The following FHAD1 variants were observed in gnomAD, a reference collection of about 807,000 sequenced individuals.
FHAD1 encodes forkhead-associated domain-containing protein 1.
FHAD1 carries 146 observed loss-of-function variants against 191.3 expected under a neutral mutation model. The ratio of observed to expected loss-of-function variants is 0.76; its 90% CI spans 0.67 to 0.88. The LOEUF (loss-of-function observed/expected upper bound fraction) is 0.88. Ranked by LOEUF, FHAD1 falls within the 40% of genes least tolerant of loss-of-function variation. The pLI, the probability that FHAD1 is intolerant of heterozygous loss-of-function variation, is 0.00. For missense variants in FHAD1, 1,635 were observed against 1,785.8 expected (o/e 0.92, Z 1.52); for synonymous variants, 616 against 672.3 (o/e 0.92, Z 1.29).
At chr1:15,313,799 G>A (rs1330709833) in intron 8 of FHAD1, among the ~76,000 whole-genome samples, 1 of 152,146 alleles carries the variant, frequency 6.6e-6, no homozygotes, top group East Asian at 1.9e-4. Flanking sequence ...GCCAGGCACG[G>A]TGGCTAATGC....
Position 15,331,726 on chromosome 1 carries a change from G to A in FHAD1, c.1906+2185G>A, listed in dbSNP as rs142204061. On this transcript the variant is annotated intron_variant, in intron 14 of 33. Coordinates refer to ENST00000688493, the MANE Select transcript of FHAD1 (RefSeq NM_001391957.1). ...AGGCAGGAAGGAAGGCAGGAGGGAA[G>A]GCAGGAAGGCAGGCAAGCAGGCAAG... is the stretch of plus-strand genomic sequence containing the variant. Among the ~76,000 whole-genome samples the A allele has an allele frequency of 1.3e-4, 19 of 151,636 alleles. No homozygotes were observed. The East Asian group carries it at 3.5e-3, about 28-fold the overall frequency.
At chr1:15,252,579 ACCT>A (rs560173703) in intron 2 of FHAD1, among the ~76,000 whole-genome samples, 1 of 152,158 alleles carries the variant, frequency 6.6e-6, no homozygotes, top group South Asian at 2.1e-4. Context: ...GTCGAGTGCC[ACCT>A]CCTACCTCAC....
At position 15,333,640 on chromosome 1, in the gene FHAD1, G is replaced by C. The variant is rs150545693; in HGVS notation, c.1906+4099G>C. Reference sequence around the variant, plus strand: ...ACAGGGAGTCCCCAGTCTATTCATCGCCATCCTGCACACTCCCAGGAGCTG... The same window carrying C: ...ACAGGGAGTCCCCAGTCTATTCATCCCCATCCTGCACACTCCCAGGAGCTG... On this transcript the variant is annotated intron_variant, in intron 14 of 33. Coordinates refer to ENST00000688493, the MANE Select transcript of FHAD1 (RefSeq NM_001391957.1). Among the ~76,000 whole-genome samples the C allele has an allele frequency of 2.6e-5, 4 of 151,794 alleles. No individual in the cohort carries two copies. In the East Asian group the frequency reaches 7.7e-4, roughly 29 times the overall value.
In FHAD1 at chr1:15,381,515, G is replaced by T; in HGVS notation, c.4022+64G>T. 1 of 1,300,826 alleles carries T rather than the reference G, an allele frequency of 7.7e-7. No individual in the cohort carries two copies. The highest frequency in any genetic ancestry group is 1.1e-6 in the Non-Finnish European group (1 of 923,916). 80.6% of individuals were successfully genotyped at this position (1,300,826 alleles called of 1,614,324 possible). ...GCCTCCCTTCTCCTGGCTAAACTCA[G>T]GCTAGCAGCAGACCTCTAGGCCTGG... On this transcript the variant is annotated intron_variant, in intron 30 of 33. Transcript: ENST00000688493. This position sits in a 1 kb window ranked among gnomAD's most constrained non-coding sequence, Gnocchi z 4.6.
chr1:15,315,485 C>CTTTTTT lies in FHAD1; in HGVS notation c.1171-880_1171-875dup, dbSNP rs34261315. Among the ~76,000 whole-genome samples, 10 of 121,142 alleles carry CTTTTTT rather than the reference C, an allele frequency of 8.3e-5. 2 individuals carry two copies. The highest frequency in any genetic ancestry group is 2.4e-4 in the East Asian group (1 of 4,248). 79.5% of individuals were successfully genotyped at this position (121,142 alleles called of 152,430 possible). On this transcript the variant is annotated intron_variant, in intron 8 of 33. Coordinates refer to ENST00000688493, the MANE Select transcript of FHAD1 (RefSeq NM_001391957.1). ...CCGGGTTATCGGACATGGGTGTTTC[C>CTTTTTT]TTTTTTTTTTTTTTTTTTGAGATGG...
chr1:15,343,797 G>A (rs934274406), intron 16 of FHAD1: 1 of 152,102 alleles, frequency 6.6e-6, no homozygotes, highest in African/African-American at 2.4e-5. Flanking sequence ...CAAAATCTTC[G>A]CAGAACTCTC....
chr1:15,397,000 C>T lies in FHAD1; in HGVS notation c.4324-297C>T, dbSNP rs1176643347. Reference sequence around the variant, plus strand: ...GAGATCAAGACCATCCTGGCTAACACGGTGAAACCCCGTCTCTACTAAAAA... The same window carrying T: ...GAGATCAAGACCATCCTGGCTAACATGGTGAAACCCCGTCTCTACTAAAAA... On this transcript the variant is annotated intron_variant, in intron 33 of 33. Transcript: ENST00000688493. Among the ~76,000 whole-genome samples the T allele has an allele frequency of 5.7e-5, 8 of 140,652 alleles. No homozygotes were observed. In the South Asian group the frequency reaches 8.9e-4, roughly 16 times the overall value. 92.3% of individuals were successfully genotyped at this position (140,652 alleles called of 152,430 possible).
intron 4 of FHAD1, among the ~76,000 whole-genome samples, chr1:15,294,778 G>A (rs902213593): frequency 1.3e-5 from 2 of 151,976 alleles, no homozygotes; most frequent in African/African-American, 4.8e-5. Context: ...CTCAAGCTGT[G>A]ATACTCAAAA....
chr1:15,382,077 G>A lies in FHAD1; in HGVS notation c.4072G>A (p.Glu1358Lys). ...EMYQSQVAKL[E>K]DDIYKEAEEK... ...GTACCAGTCGCAGGTGGCAAAGCTG[G>A]AGGATGATATCTACAAAGAGGCCGA... Residue 1358 changes from glutamate to lysine, a missense_variant, in exon 31 of 34, where the codon GAG (glutamate) becomes AAG (lysine). Physicochemically the swap from Glu to Lys is moderately conservative, Grantham distance 56 (BLOSUM62 1). Coordinates refer to ENST00000688493, the MANE Select transcript of FHAD1 (RefSeq NM_001391957.1). 1 of 1,552,212 alleles carries A rather than the reference G, an allele frequency of 6.4e-7. No individual in the cohort carries two copies. The highest frequency in any genetic ancestry group is 8.7e-7 in the Non-Finnish European group (1 of 1,147,122).
At position 15,272,300 on chromosome 1, in the gene FHAD1, ACTGTCCT is replaced by A; in HGVS notation, c.94-21_94-15del. The A allele has an allele frequency of 1.3e-6, 2 of 1,542,934 alleles. No individual in the cohort carries two copies. Among genetic ancestry groups the A allele is most frequent in the Non-Finnish European group, 1.8e-6 (2 of 1,139,456 alleles). ...TGTCATTTTTGTTTTCATGGCTACGACTGTCCTCCTTCTCCGTTGCAGTCTCCTGACA... is the reference window on the plus strand; with the variant it reads ...TGTCATTTTTGTTTTCATGGCTACGACCTTCTCCGTTGCAGTCTCCTGACA... On this transcript the variant is annotated splice_polypyrimidine_tract_variant and intron_variant, in intron 2 of 33. Coordinates refer to ENST00000688493, the MANE Select transcript of FHAD1 (RefSeq NM_001391957.1).
rs1558268684 is a variant in FHAD1 at position 15,375,586 on chromosome 1, CTTTA to C, written c.3578-13_3578-10del. 2 of 1,510,708 alleles carry C rather than the reference CTTTA, an allele frequency of 1.3e-6. No individual in the cohort carries two copies. The highest frequency in any genetic ancestry group is 2.5e-5 in the East Asian group (1 of 40,726). 93.6% of individuals were successfully genotyped at this position (1,510,708 alleles called of 1,614,324 possible). On this transcript the variant is annotated splice_polypyrimidine_tract_variant and intron_variant, in intron 27 of 33. Coordinates refer to ENST00000688493, the MANE Select transcript of FHAD1 (RefSeq NM_001391957.1). ...TTCCTGAGCCTTTCTTTTGAGTCTA[CTTTA>C]TTTCTTTTACAGATCATAAAGACCA...
At position 15,318,855 on chromosome 1, in the gene FHAD1, G is replaced by C. The variant is rs536131918; in HGVS notation, c.1365+927G>C. Among the ~76,000 whole-genome samples, 1 of 152,222 alleles carries C rather than the reference G, an allele frequency of 6.6e-6. No homozygotes were observed. Among genetic ancestry groups the C allele is most frequent in the East Asian group, 1.9e-4 (1 of 5,188 alleles). ...GAAGAGTTGTATAAAAGATGCTTATGGATCACACATTTATTTTAATTTTTT... is the reference window on the plus strand; with the variant it reads ...GAAGAGTTGTATAAAAGATGCTTATCGATCACACATTTATTTTAATTTTTT... On this transcript the variant is annotated intron_variant, in intron 10 of 33. Transcript: ENST00000688493. The surrounding 1 kb of genome is among the most constrained non-coding windows in gnomAD (Gnocchi z 4.1).
chr1:15,299,210 AAAAAAAAGG>A (rs1667917868), intron 5 of FHAD1, among the ~76,000 whole-genome samples: 3 of 147,004 alleles, frequency 2.0e-5, no homozygotes, highest in African/African-American at 7.9e-5. Context: ...AAAAAAAAAA[AAAAAAAAGG>A]AAAAAAAAAA....
chr1:15,294,969 CG>C (rs1666438810), intron 4 of FHAD1, among the ~76,000 whole-genome samples: 1 of 152,052 alleles, frequency 6.6e-6, no homozygotes, highest in Admixed American at 6.6e-5. Context: ...AATGGAAATG[CG>C]TGGGGTGATT....
At chr1:15,324,361 C>A in intron 10 of FHAD1, 91 bp from the exon 11 acceptor site, 1 of 1,025,434 alleles carries the variant, frequency 9.8e-7, no homozygotes, top group Non-Finnish European at 1.5e-6. Context: ...CCTCTGGGAC[C>A]CCCCACGGCC....
At chr1:15,293,581 G>A (rs1353446594) in intron 4 of FHAD1, among the ~76,000 whole-genome samples, 2 of 152,090 alleles carry the variant, frequency 1.3e-5, no homozygotes, top group African/African-American at 4.8e-5. Flanking sequence ...AGCTGGGTGT[G>A]GTGGCACGCA....
chr1:15,393,072 C>A, intron 33 of FHAD1: 1 of 123,420 alleles, frequency 8.1e-6, no homozygotes, highest in Non-Finnish European at 1.7e-5. Context: ...AAATTCATTC[C>A]TTTTTTTTTT....
intron 10 of FHAD1, among the ~76,000 whole-genome samples, chr1:15,321,227 TG>T (rs745384733): frequency 2.3e-4 from 35 of 152,234 alleles, no homozygotes; most frequent in Non-Finnish European, 4.3e-4. Flanking sequence ...CCACAATGCC[TG>T]GGCGAGTTGA....
chr1:15,283,727 C>T (rs1661384699), intron 3 of FHAD1, among the ~76,000 whole-genome samples: 1 of 152,278 alleles, frequency 6.6e-6, no homozygotes, highest in East Asian at 1.9e-4. Context: ...ATCCAGGGTG[C>T]TGCACATACC....
Sources: allele counts gnomAD v4.1 joint callset (sites outside exome capture counted in the v4.1 genomes callset), GRCh38; gene constraint gnomAD v4.1.1; non-coding constraint Gnocchi (gnomAD v3.1); transcripts MANE v1.5; gene names NCBI Gene and HGNC (gene_info 2026-07-23, HGNC 2026-07-21).